SH3PXD2A: variants seen among roughly 807,000 people sequenced by gnomAD.
The protein encoded by SH3PXD2A is SH3 and PX domain-containing protein 2A.
In SH3PXD2A, 32 loss-of-function variants were observed where a neutral mutation model predicts 115.2. The ratio of observed to expected loss-of-function variants is 0.28; its 90% confidence interval spans 0.21 to 0.37. The LOEUF (loss-of-function observed/expected upper bound fraction) is 0.37, where lower values mean the gene tolerates loss of function less well. Among genes scored for constraint, SH3PXD2A ranks in the 10% least tolerant of loss-of-function variants. The pLI, the probability that SH3PXD2A is intolerant of heterozygous loss-of-function variation, is 1.00. For missense variants in SH3PXD2A, 1,328 were observed against 1,498.7 expected, an observed-to-expected ratio of 0.89 and a Z score of 1.88; for synonymous variants, 610 against 629.1, an observed-to-expected ratio of 0.97 and a Z score of 0.45.
At chr10:103,797,589 G>A (rs1589458743) in intron 2 of SH3PXD2A, among the ~76,000 whole-genome samples, 1 of 152,058 alleles carries the variant, frequency 6.6e-6, no homozygotes, top group Non-Finnish European at 1.5e-5. Flanking sequence ...CAGGGCTGGT[G>A]TGTGCCTGAG....
chr10:103,742,336 T>A (rs2038453053), intron 3 of SH3PXD2A, among the ~76,000 whole-genome samples: 1 of 152,198 alleles, frequency 6.6e-6, no homozygotes, highest in Non-Finnish European at 1.5e-5. Context: ...TGTCTCAGTC[T>A]TTACATGGCC....
intron 5 of SH3PXD2A, among the ~76,000 whole-genome samples, chr10:103,705,810 C>A (rs1048104503): frequency 6.6e-6 from 1 of 152,124 alleles, no homozygotes; most frequent in Admixed American, 6.5e-5. Context: ...ACCAGCCTGG[C>A]CAACATGGTG....
chr10:103,657,039 A>C (rs2037223057), intron 8 of SH3PXD2A, among the ~76,000 whole-genome samples: 1 of 151,938 alleles, frequency 6.6e-6, no homozygotes, highest in African/African-American at 2.4e-5. Flanking sequence ...CTGGGACTAA[A>C]GCATTGACCC....
At chr10:103,816,791 A>G (rs758319623) in intron 1 of SH3PXD2A, among the ~76,000 whole-genome samples, 2 of 152,204 alleles carry the variant, frequency 1.3e-5, no homozygotes, top group Admixed American at 6.5e-5. Context: ...TCAAATGTCC[A>G]CTACATGAGG....
intron 6 of SH3PXD2A, among the ~76,000 whole-genome samples, chr10:103,677,651 G>T (rs1317688069): frequency 1.3e-5 from 2 of 152,172 alleles, no homozygotes; most frequent in African/African-American, 2.4e-5. Flanking sequence ...TCTGGTTAGG[G>T]CTATAGTCCT....
At chr10:103,777,098 C>T (rs1042072741) in intron 2 of SH3PXD2A, among the ~76,000 whole-genome samples, 17 of 152,236 alleles carry the variant, frequency 1.1e-4, no homozygotes, top group Admixed American at 7.8e-4. Flanking sequence ...AAATCAGTTT[C>T]CTCATCTGTG....
At chr10:103,630,745 TAAAA>T (rs57562821) in intron 8 of SH3PXD2A, among the ~76,000 whole-genome samples, 16 of 117,412 alleles carry the variant, frequency 1.4e-4, no homozygotes, top group Admixed American at 4.7e-4. Flanking sequence ...TCCCTTCTCT[TAAAA>T]AAAAAAAAAA....
At chr10:103,613,245 C>A in intron 11 of SH3PXD2A, 55 bp from the exon 12 acceptor site, 1 of 1,365,934 alleles carries the variant, frequency 7.3e-7, no homozygotes, top group Non-Finnish European at 1.0e-6. Flanking sequence ...TCACAGCCCA[C>A]TCCCAGGCCC....
intron 1 of SH3PXD2A, among the ~76,000 whole-genome samples, chr10:103,807,935 A>G (rs978547635): frequency 1.3e-5 from 2 of 152,130 alleles, no homozygotes; most frequent in Non-Finnish European, 2.9e-5. Context: ...GGAGTTCATC[A>G]TTGTCAGGCT....
At chr10:103,624,809 A>G (rs141888381) in intron 9 of SH3PXD2A, among the ~76,000 whole-genome samples, 1 of 152,238 alleles carries the variant, frequency 6.6e-6, no homozygotes, top group Non-Finnish European at 1.5e-5. Flanking sequence ...GTGCAGAGAG[A>G]CTAGCGGACA....
intron 1 of SH3PXD2A, among the ~76,000 whole-genome samples, chr10:103,828,986 G>A (rs1187541090): frequency 6.6e-6 from 1 of 152,172 alleles, no homozygotes; most frequent in East Asian, 1.9e-4. Flanking sequence ...AGCTCAAGCT[G>A]TCTTGATGGT....
chr10:103,716,776 G>C (rs1217541628), intron 5 of SH3PXD2A, among the ~76,000 whole-genome samples: 1 of 152,234 alleles, frequency 6.6e-6, no homozygotes, highest in Non-Finnish European at 1.5e-5. Context: ...CCAAAGGCAT[G>C]TGTGCCCACC....
chr10:103,697,288 G>A (rs536887965), intron 5 of SH3PXD2A, among the ~76,000 whole-genome samples: 5 of 152,240 alleles, frequency 3.3e-5, no homozygotes, highest in Admixed American at 1.3e-4. Context: ...CACAGTGGCC[G>A]GCACAGAAAC....
At chr10:103,714,937 C>T (rs1407742421) in intron 5 of SH3PXD2A, among the ~76,000 whole-genome samples, 4 of 152,200 alleles carry the variant, frequency 2.6e-5, no homozygotes, top group African/African-American at 7.2e-5. Context: ...ACTTGGGATG[C>T]CCTGGAGTTT....
chr10:103,722,621 T>A (rs2134170475), intron 5 of SH3PXD2A, among the ~76,000 whole-genome samples: 2 of 146,352 alleles, frequency 1.4e-5, no homozygotes, highest in African/African-American at 5.1e-5. Flanking sequence ...TTTTTTTCAA[T>A]CAGCTGAATT....
intron 1 of SH3PXD2A, among the ~76,000 whole-genome samples, chr10:103,843,226 T>C (rs1029101796): frequency 3.3e-5 from 5 of 152,192 alleles, no homozygotes; most frequent in African/African-American, 1.2e-4. Context: ...CTGTGATTCA[T>C]AGCCAGCTTC....
At chr10:103,794,267 G>A (rs1252628743) in intron 2 of SH3PXD2A, among the ~76,000 whole-genome samples, 1 of 152,178 alleles carries the variant, frequency 6.6e-6, no homozygotes, top group African/African-American at 2.4e-5. Context: ...CAGAGCCAAT[G>A]AGCAAACCTG....
intron 1 of SH3PXD2A, among the ~76,000 whole-genome samples, chr10:103,821,139 ATTC>A (rs2039375138): frequency 7.7e-6 from 1 of 129,644 alleles, no homozygotes; most frequent in African/African-American, 2.9e-5. Context: ...ATGGTCGTTC[ATTC>A]TTTTTTTTTT....
At chr10:103,710,419 G>GTCA (rs1403622748) in intron 5 of SH3PXD2A, among the ~76,000 whole-genome samples, 3 of 152,166 alleles carry the variant, frequency 2.0e-5, no homozygotes, top group Admixed American at 6.5e-5. Context: ...TTAGAAGAAT[G>GTCA]TCATCACATG....
Sources: gnomAD v4.1 joint callset for allele counts (sites outside exome capture counted in the v4.1 genomes callset) on GRCh38, gnomAD v4.1.1 for gene constraint, MANE v1.5 for transcripts, NCBI Gene and HGNC (gene_info 2026-07-23, HGNC 2026-07-21) for gene names.